SERPINA6: variants seen among roughly 807,000 people sequenced by gnomAD.
The protein encoded by SERPINA6 is corticosteroid-binding globulin.
Under a neutral mutation model 26.4 loss-of-function variants are expected in SERPINA6, and 19 were observed. The observed-to-expected ratio is 0.72, with a 90% confidence interval of 0.50 to 1.06. SERPINA6 has a LOEUF of 1.06. SERPINA6 is among the 50% of genes least tolerant of loss of function. SERPINA6 has a pLI of 0.00. For synonymous variants in SERPINA6, 196 were observed against 199.4 expected (o/e 0.98, Z 0.14); for missense variants, 473 against 504.0 (o/e 0.94, Z 0.59).
chr14:94,319,122 C>T (rs72704361), intron 1 of SERPINA6, among the ~76,000 whole-genome samples: 3,855 of 152,212 alleles, frequency 0.025, 83 homozygotes, highest in Middle Eastern at 0.044. Flanking sequence ...TTTGTATCCA[C>T]AGGGATGGCT....
chr14:94,321,851 T>C (rs1354610139), intron 1 of SERPINA6, among the ~76,000 whole-genome samples: 2 of 152,210 alleles, frequency 1.3e-5, no homozygotes, highest in Non-Finnish European at 2.9e-5. Flanking sequence ...GGATCTCCTC[T>C]CAGGCACAGG....
chr14:94,317,889 G>A (rs368694624), intron 1 of SERPINA6, among the ~76,000 whole-genome samples: 1 of 152,160 alleles, frequency 6.6e-6, no homozygotes, highest in South Asian at 2.1e-4. Flanking sequence ...ATCCATATTT[G>A]AAAAGAAGAA....
At chr14:94,310,066 T>C in intron 2 of SERPINA6, 60 bp from the exon 3 acceptor site, 2 of 1,550,762 alleles carry the variant, frequency 1.3e-6, no homozygotes, top group Non-Finnish European at 1.8e-6. Flanking sequence ...CCAGGTGATC[T>C]CACGGGCCTA....
chr14:94,314,570 C>A lies in SERPINA6; in HGVS notation c.79G>T (p.Ala27Ser). Residue 27 changes from alanine to serine, a missense_variant, in exon 2 of 5, where the codon GCT becomes TCT. Ala to Ser is a moderately conservative substitution (Grantham distance 99, BLOSUM62 1). Transcript: ENST00000341584. ...TGGTTACTCATGTTCACATAAGCAGCGTTAGGATCCATGGCCTGGACGGTC... is the reference window on the plus strand; with the variant it reads ...TGGTTACTCATGTTCACATAAGCAGAGTTAGGATCCATGGCCTGGACGGTC... The part of the protein sequence containing the change: ...LWTVQAMDPN[A>S]AYVNMSNHHR... The A allele has an allele frequency of 6.2e-7, 1 of 1,614,134 alleles. No homozygotes were observed. Among genetic ancestry groups the A allele is most frequent in the Non-Finnish European group, 8.5e-7 (1 of 1,180,034 alleles).
chr14:94,320,014 A>T (rs1895661745), intron 1 of SERPINA6, among the ~76,000 whole-genome samples: 1 of 152,210 alleles, frequency 6.6e-6, no homozygotes, highest in Non-Finnish European at 1.5e-5. Flanking sequence ...GTTCCATAAG[A>T]GCAATTAAAA....
chr14:94,316,943 C>T (rs959871156), intron 1 of SERPINA6, among the ~76,000 whole-genome samples: 6 of 152,118 alleles, frequency 3.9e-5, no homozygotes, highest in Admixed American at 6.5e-5. Context: ...TTGGCTCCTC[C>T]GGTTGTCAGG....
chr14:94,309,925 G>C lies in SERPINA6; in HGVS notation c.695C>G (p.Pro232Arg). 1.9e-6 allele frequency: 3 copies of C among 1,614,176 alleles called. No homozygotes were observed. Among genetic ancestry groups the C allele is most frequent in the Non-Finnish European group, 2.5e-6 (3 of 1,180,032 alleles). ...GATGGTGCTCGACTGCAACATCATG[G>C]GCACCTTCACCACAGTTGTCTCGTC... ...YVDETTVVKVPMMLQSSTISY... is the reference protein window; with the variant it reads ...YVDETTVVKVRMMLQSSTISY... The change falls in exon 3 of 5, where the codon CCC (proline) becomes CGC (arginine). Residue 232 changes from proline to arginine, a missense_variant. Coordinates refer to ENST00000341584, the MANE Select transcript of SERPINA6 (RefSeq NM_001756.4).
chr14:94,322,443 G>A (rs1203264391), intron 1 of SERPINA6, among the ~76,000 whole-genome samples: 1 of 152,228 alleles, frequency 6.6e-6, no homozygotes, highest in African/African-American at 2.4e-5. Context: ...CCAGGAGGCA[G>A]AGGTTGCAGT....
At position 94,322,974 on chromosome 14, in the gene SERPINA6, G is replaced by A. The variant is rs4905178; in HGVS notation, c.-20+293C>T. On this transcript the variant is annotated intron_variant, in intron 1 of 4. Transcript: ENST00000341584. ...TGTTGTGGCTATCTGGCTGGGCTTA[G>A]GAGCATCAATCATGGCAGTGGACGA... Among the ~76,000 whole-genome samples the A allele has an allele frequency of 2.0e-5, 3 of 152,214 alleles. No individual in the cohort carries two copies. In the South Asian group the frequency reaches 6.2e-4, roughly 32 times the overall value.
In SERPINA6 at chr14:94,310,075, T is replaced by C; in HGVS notation, c.614-69A>G. On this transcript the variant is annotated intron_variant, in intron 2 of 4. Transcript: ENST00000341584. Reference sequence around the variant, plus strand: ...ACAGTTCCAGGTGATCTCACGGGCCTACTATCCAAGTGACACAGTGGCCTT... The same window carrying C: ...ACAGTTCCAGGTGATCTCACGGGCCCACTATCCAAGTGACACAGTGGCCTT... 2.6e-6 allele frequency: 4 copies of C among 1,520,386 alleles called. No homozygotes were observed. The South Asian group carries it at 4.6e-5, about 18-fold the overall frequency. The allele number at this position is 1,520,386 out of a possible 1,614,324, so 94.2% of individuals were successfully genotyped here. A position where few individuals can be genotyped will look rare whatever the true frequency, so the allele number is the denominator to read the frequency against.
chr14:94,310,516 A>G (rs1462805601), intron 2 of SERPINA6, among the ~76,000 whole-genome samples: 1 of 151,682 alleles, frequency 6.6e-6, no homozygotes, highest in Non-Finnish European at 1.5e-5. Flanking sequence ...GGGTGAGAAG[A>G]CTCCTTCAGG....
intron 1 of SERPINA6, among the ~76,000 whole-genome samples, chr14:94,320,125 AT>A (rs1895664002): frequency 6.6e-6 from 1 of 152,180 alleles, no homozygotes; most frequent in Admixed American, 6.5e-5. Flanking sequence ...ATCACAATAA[AT>A]ACAGGATGCT....
chr14:94,313,929 G>A (rs764076492), intron 2 of SERPINA6, 107 bp downstream of exon 2: 1 of 1,165,998 alleles, frequency 8.6e-7, no homozygotes, highest in Non-Finnish European at 1.3e-6. Context: ...AGATGTGTAT[G>A]TGCTTTACAG....
At chr14:94,304,652 C>G in intron 4 of SERPINA6, 49 bp from the exon 5 acceptor site, 1 of 1,524,150 alleles carries the variant, frequency 6.6e-7, no homozygotes, top group South Asian at 1.1e-5. Context: ...TGTGCGTTCT[C>G]GCTTTCCTGA....
At chr14:94,313,980 G>A (rs112339887) in intron 2 of SERPINA6, 56 bp downstream of exon 2, 21 of 1,596,212 alleles carry the variant, frequency 1.3e-5, no homozygotes, top group Middle Eastern at 1.7e-4. Context: ...GGATTTTAGC[G>A]GCTGTTATTC....
chr14:94,305,097 C>T (rs1380662381), intron 4 of SERPINA6, among the ~76,000 whole-genome samples: 2 of 152,154 alleles, frequency 1.3e-5, no homozygotes, highest in African/African-American at 2.4e-5. Flanking sequence ...GTCAGCAAAA[C>T]GTCTGCCTAG....
intron 2 of SERPINA6, among the ~76,000 whole-genome samples, chr14:94,310,459 G>A (rs979573522): frequency 6.6e-6 from 1 of 152,298 alleles, no homozygotes; most frequent in African/African-American, 2.4e-5. Context: ...TCCTGACCCT[G>A]CTGAATGGTC....
intron 3 of SERPINA6, 38 bp downstream of exon 3, chr14:94,309,698 T>C (rs774019445): frequency 1.2e-6 from 2 of 1,611,162 alleles, no homozygotes; most frequent in Admixed American, 1.7e-5. Context: ...TGGGGACACG[T>C]GCATTGCAGA....
chr14:94,311,193 A>G (rs1285052064), intron 2 of SERPINA6, among the ~76,000 whole-genome samples: 1 of 152,198 alleles, frequency 6.6e-6, no homozygotes, highest in Non-Finnish European at 1.5e-5. Flanking sequence ...ATGTCTGCAG[A>G]CACTGGCCAA....
Sources: allele counts gnomAD v4.1 joint callset (sites outside exome capture counted in the v4.1 genomes callset), GRCh38; gene constraint gnomAD v4.1.1; transcripts MANE v1.5; gene names NCBI Gene and HGNC (gene_info 2026-07-23, HGNC 2026-07-21).